The following DLGAP2 variants were observed in gnomAD, a reference collection of about 807,000 sequenced individuals.
DLGAP2 encodes DLG associated protein 2.
DLGAP2 carries 26 observed loss-of-function variants against 100.3 expected under a neutral mutation model. The observed-to-expected ratio is 0.26, with a 90% CI of 0.19 to 0.36. The LOEUF is 0.36. DLGAP2 is among the 10% of genes least tolerant of loss of function. The pLI, the probability that DLGAP2 is intolerant of heterozygous loss-of-function variation, is 1.00. For missense variants in DLGAP2, 1,858 were observed against 1,453.2 expected (o/e 1.28, Z -4.53); for synonymous variants, 886 against 630.1 (o/e 1.41, Z -6.08).
chr8:1,416,578 C>T (rs1349519951), intron 3 of DLGAP2, among the ~76,000 whole-genome samples: 1 of 152,160 alleles, frequency 6.6e-6, no homozygotes, highest in Non-Finnish European at 1.5e-5. Context: ...CACGGCCGCC[C>T]CTTCTTTGAA....
chr8:1,175,110 C>A (rs1164486779), intron 2 of DLGAP2, among the ~76,000 whole-genome samples: 1 of 151,980 alleles, frequency 6.6e-6, no homozygotes, highest in Non-Finnish European at 1.5e-5. Context: ...TTTTTTGCTA[C>A]CTTCTGTCTT....
intron 2 of DLGAP2, among the ~76,000 whole-genome samples, chr8:972,616 C>CTTATTTATTTATTTAT (rs112414168): frequency 1.3e-5 from 2 of 150,090 alleles, no homozygotes; most frequent in African/African-American, 4.9e-5. Context: ...GTATTTTTTT[C>CTTATTTATTTATTTAT]TTATTTATTT....
At chr8:969,318 A>C (rs1278692244) in intron 2 of DLGAP2, among the ~76,000 whole-genome samples, 1 of 151,950 alleles carries the variant, frequency 6.6e-6, no homozygotes. Flanking sequence ...TGGCCGACAC[A>C]CTCTGCAGAT....
At chr8:1,633,775 G>A (rs1008191902) in intron 8 of DLGAP2, among the ~76,000 whole-genome samples, 1 of 152,196 alleles carries the variant, frequency 6.6e-6, no homozygotes, top group African/African-American at 2.4e-5. Flanking sequence ...TAGTGTTGGG[G>A]ACTGAGGTGT....
intron 6 of DLGAP2, among the ~76,000 whole-genome samples, chr8:1,595,642 C>T (rs901864177): frequency 9.4e-5 from 14 of 148,476 alleles, no homozygotes; most frequent in Non-Finnish European, 3.0e-5. Flanking sequence ...AGTCCGCAGT[C>T]CCGCCTGGGC....
intron 3 of DLGAP2, among the ~76,000 whole-genome samples, chr8:1,478,715 G>C (rs1262695601): frequency 6.6e-6 from 1 of 152,162 alleles, no homozygotes; most frequent in Non-Finnish European, 1.5e-5. Context: ...TCCGGGACAT[G>C]GCATTTGGAT....
intron 2 of DLGAP2, among the ~76,000 whole-genome samples, chr8:1,205,789 G>C (rs1254521832): frequency 2.0e-5 from 3 of 152,144 alleles, no homozygotes; most frequent in African/African-American, 7.2e-5. Flanking sequence ...GAAATTCATG[G>C]AGTCCTAGGA....
chr8:1,287,633 A>AGTGTGTGTGTGT (rs782499346), intron 3 of DLGAP2, among the ~76,000 whole-genome samples: 1 of 69,606 alleles, frequency 1.4e-5, no homozygotes, highest in Non-Finnish European at 2.5e-5. Context: ...GTTTCGGTTG[A>AGTGTGTGTGTGT]GTGTGTGTGT....
At chr8:1,300,451 C>T (rs1282689869) in intron 3 of DLGAP2, 1 of 152,228 alleles carries the variant, frequency 6.6e-6, no homozygotes, top group African/African-American at 2.4e-5. Flanking sequence ...AGGTGAATGC[C>T]ATCTTGCCTC....
chr8:1,058,446 A>G (rs7011999), intron 2 of DLGAP2, among the ~76,000 whole-genome samples: 41,979 of 152,132 alleles, frequency 0.28, 6,534 homozygotes, highest in Middle Eastern at 0.36. Flanking sequence ...TCAATCATCA[A>G]TAGAACTCTA....
At chr8:1,658,777 A>G (rs1199163388) in intron 8 of DLGAP2, among the ~76,000 whole-genome samples, 1 of 151,636 alleles carries the variant, frequency 6.6e-6, no homozygotes, top group Non-Finnish European at 1.5e-5. Context: ...TATTTTGTTG[A>G]TCTTTTCCTG....
intron 1 of DLGAP2, among the ~76,000 whole-genome samples, chr8:878,583 G>C (rs955807050): frequency 2.1e-4 from 32 of 152,082 alleles, no homozygotes; most frequent in Admixed American, 1.9e-3. Flanking sequence ...GGTATGGTTG[G>C]TCCTCACCAA....
chr8:1,666,422 C>T (rs532537226), intron 8 of DLGAP2, among the ~76,000 whole-genome samples: 5 of 152,168 alleles, frequency 3.3e-5, no homozygotes, highest in Non-Finnish European at 5.9e-5. Context: ...CCTGTAATCC[C>T]AGTACTTTGG....
chr8:1,507,781 G>T (rs147771833), intron 4 of DLGAP2, among the ~76,000 whole-genome samples: 3 of 150,248 alleles, frequency 2.0e-5, no homozygotes, highest in Non-Finnish European at 4.4e-5. Context: ...CTTCACCCAC[G>T]ACCCTCCTTC....
At chr8:1,701,058 G>T in intron 14 of DLGAP2, 130 bp from the exon 15 acceptor site, 1 of 780,822 alleles carries the variant, frequency 1.3e-6, no homozygotes, top group South Asian at 1.9e-5. Flanking sequence ...GACGGGGGAC[G>T]GGAGTGAAGG....
At chr8:1,485,517 G>C (rs1799214171) in intron 3 of DLGAP2, among the ~76,000 whole-genome samples, 1 of 152,252 alleles carries the variant, frequency 6.6e-6, no homozygotes, top group Non-Finnish European at 1.5e-5. Flanking sequence ...AGCAGACGCG[G>C]TTAAGGAAAT....
At chr8:1,589,614 T>A (rs934634239) in intron 6 of DLGAP2, among the ~76,000 whole-genome samples, 2 of 152,180 alleles carry the variant, frequency 1.3e-5, no homozygotes, top group East Asian at 3.9e-4. Flanking sequence ...TTTGTTTTTG[T>A]TTTTGTTATT....
chr8:1,266,309 A>G (rs1799449638), intron 3 of DLGAP2, among the ~76,000 whole-genome samples: 1 of 152,178 alleles, frequency 6.6e-6, no homozygotes, highest in South Asian at 2.1e-4. Context: ...TTTATTGGAA[A>G]TATTTGCAGG....
In DLGAP2 at chr8:1,277,697, G is replaced by C. The variant is rs148892992; in HGVS notation, c.106+18814G>C. On this transcript the variant is annotated intron_variant, in intron 3 of 14. Coordinates refer to ENST00000637795, the MANE Select transcript of DLGAP2 (RefSeq NM_001346810.2). ...AGTGGTGGGGTGGGCTTCCAGGCTG[G>C]CAGCAGCTGCACCGAGGTCGGGGCA... 4.5e-3 allele frequency among the ~76,000 whole-genome samples: 692 copies of C among 152,232 alleles called. 5 individuals are homozygous for C. Among genetic ancestry groups the C allele is most frequent in the African/African-American group, 0.016 (651 of 41,546 alleles).
Sources: allele counts gnomAD v4.1 joint callset (sites outside exome capture counted in the v4.1 genomes callset), GRCh38; gene constraint gnomAD v4.1.1; transcripts MANE v1.5; gene names NCBI Gene and HGNC (gene_info 2026-07-23, HGNC 2026-07-21).